Variants in NOX5 observed in about 807,000 individuals in gnomAD.
NOX5 encodes NADPH oxidase, EF-hand calcium binding domain 5.
In NOX5, 76 loss-of-function variants were observed where a neutral mutation model predicts 85.7. The observed-to-expected ratio is 0.89, with a 90% CI of 0.74 to 1.07. NOX5 has a LOEUF of 1.07. Among genes scored for constraint, NOX5 ranks in the 50% least tolerant of loss-of-function variants. NOX5 has a pLI of 0.00. For synonymous variants in NOX5, 405 were observed against 401.4 expected (o/e 1.01, Z -0.11); for missense variants, 973 against 999.5 (o/e 0.97, Z 0.36).
In NOX5 at chr15:69,055,336, C is replaced by T. The variant is rs769046961; in HGVS notation, c.2002C>T (p.Arg668Cys). 12 of 1,613,726 alleles carry T rather than the reference C, an allele frequency of 7.4e-6. No homozygotes were observed. The highest frequency in any genetic ancestry group is 5.5e-5 in the South Asian group (5 of 91,050). Residue 668 changes from arginine (R) to cysteine (C), a missense_variant and splice_region_variant, in exon 15 of 16, where the codon CGC (arginine) becomes TGC (cysteine). Physicochemically the swap from Arg to Cys is radical, Grantham distance 180. Coordinates refer to ENST00000388866, the MANE Select transcript of NOX5 (RefSeq NM_024505.4). ...AGCCCTTGTCCCCTGCCCAACAGGC[C>T]GCTTCCTGGAGCTGCATATGTACAT... ...MDQAEEAQYG[R>C]FLELHMYMTS...
At chr15:69,045,059 G>C (rs1257647142) in intron 10 of NOX5, among the ~76,000 whole-genome samples, 3 of 152,228 alleles carry the variant, frequency 2.0e-5, no homozygotes, top group Non-Finnish European at 2.9e-5. Context: ...GCCTAGTAAG[G>C]CTGAGGAAGG....
intron 2 of NOX5, among the ~76,000 whole-genome samples, chr15:69,026,898 A>G (rs1241829945): frequency 6.6e-6 from 1 of 152,042 alleles, no homozygotes; most frequent in Non-Finnish European, 1.5e-5. Context: ...TAACCTCACA[A>G]TTTCCACTAG....
intron 11 of NOX5, 112 bp from the exon 12 acceptor site, chr15:69,047,301 A>G (rs1414491495): frequency 8.7e-6 from 12 of 1,381,852 alleles, no homozygotes; most frequent in African/African-American, 1.5e-5. Context: ...CCAGCCCAGG[A>G]GATGTCTTTC....
chr15:69,055,195 A>G, intron 14 of NOX5, 139 bp from the exon 15 acceptor site: 2 of 839,486 alleles, frequency 2.4e-6, no homozygotes, highest in Non-Finnish European at 1.8e-6. Flanking sequence ...TCTCCATGGC[A>G]CTGGTTACAC....
intron 14 of NOX5, among the ~76,000 whole-genome samples, chr15:69,054,612 C>T (rs1303998483): frequency 6.6e-6 from 1 of 152,236 alleles, no homozygotes; most frequent in Non-Finnish European, 1.5e-5. Flanking sequence ...ACTCTGTACT[C>T]ACACTAGTCC....
At chr15:69,035,702 G>T in intron 6 of NOX5, 56 bp from the exon 7 acceptor site, 1 of 1,590,902 alleles carries the variant, frequency 6.3e-7, no homozygotes. Flanking sequence ...CAATGGGAAG[G>T]TGGAGTGGGA....
chr15:69,047,809 CT>C lies in NOX5; in HGVS notation c.1818-19del. 1.2e-6 allele frequency: 2 copies of C among 1,613,744 alleles called. No homozygotes were observed. The highest frequency in any genetic ancestry group is 1.7e-6 in the Non-Finnish European group (2 of 1,179,752). ...AAGTCTCACCCCAAATTTACAACCC[CT>C]TCCTCCTGCCTCCCCTCAGGCACCA... On this transcript the variant is annotated intron_variant, in intron 12 of 15. Coordinates refer to ENST00000388866, the MANE Select transcript of NOX5 (RefSeq NM_024505.4).
At chr15:69,033,771 T>C (rs373110304) in intron 5 of NOX5, among the ~76,000 whole-genome samples, 1 of 148,010 alleles carries the variant, frequency 6.8e-6, no homozygotes, top group East Asian at 2.1e-4. Context: ...CTCAGCTCAC[T>C]GCAACTTTTG....
intron 14 of NOX5, among the ~76,000 whole-genome samples, chr15:69,050,406 C>A (rs2050732561): frequency 1.3e-5 from 2 of 152,040 alleles, no homozygotes; most frequent in Non-Finnish European, 2.9e-5. Context: ...TGGTGAGAAA[C>A]TCTTTTGGCT....
At chr15:69,050,443 C>T (rs1157481860) in intron 14 of NOX5, among the ~76,000 whole-genome samples, 1 of 152,084 alleles carries the variant, frequency 6.6e-6, no homozygotes, top group Non-Finnish European at 1.5e-5. Context: ...TTAGCTCTGT[C>T]ACCCAGGTGC....
chr15:69,054,707 C>A (rs2050789350), intron 14 of NOX5, among the ~76,000 whole-genome samples: 1 of 152,230 alleles, frequency 6.6e-6, no homozygotes, highest in South Asian at 2.1e-4. Flanking sequence ...TTCTGGGAAG[C>A]AGCTCTGTCT....
intron 14 of NOX5, among the ~76,000 whole-genome samples, chr15:69,054,321 C>T (rs932727271): frequency 1.3e-5 from 2 of 152,204 alleles, no homozygotes; most frequent in Non-Finnish European, 2.9e-5. Flanking sequence ...AACTTTGTGG[C>T]GCAGAACTGC....
intron 1 of NOX5, among the ~76,000 whole-genome samples, chr15:69,025,013 A>C (rs1279327232): frequency 1.3e-5 from 2 of 152,216 alleles, no homozygotes; most frequent in African/African-American, 4.8e-5. Flanking sequence ...GTCTTTAAAA[A>C]TAAAATCAAT....
chr15:69,035,394 C>T lies in NOX5; in HGVS notation c.896C>T (p.Thr299Met), dbSNP rs145609289. The T allele has an allele frequency of 6.2e-4, 994 of 1,614,158 alleles. 12 individuals carry two copies. In the African/African-American group the frequency reaches 0.012, roughly 20 times the overall value. Residue 299 changes from threonine (T) to methionine (M), a missense_variant, in exon 6 of 16, where the codon ACG (threonine) becomes ATG (methionine). Physicochemically the swap from Thr to Met is moderately conservative, Grantham distance 81. Transcript: ENST00000388866. ...CGCTGCCTCACCTGGCTGCGGGCCA[C>T]GTGGCTGGCTCAAGTCCTACCACTG... The part of the protein sequence containing the change: ...LRRCLTWLRA[T>M]WLAQVLPLDQ...
At chr15:69,045,536 T>TTTCTTTC (rs2050653280) in intron 10 of NOX5, among the ~76,000 whole-genome samples, 2 of 94,470 alleles carry the variant, frequency 2.1e-5, no homozygotes, top group African/African-American at 5.0e-5. Flanking sequence ...TTCCTTTCTT[T>TTTCTTTC]TTTCTTTCTT....
chr15:69,050,146 T>C (rs1441638287), intron 14 of NOX5, among the ~76,000 whole-genome samples: 1 of 152,266 alleles, frequency 6.6e-6, no homozygotes, highest in African/African-American at 2.4e-5. Flanking sequence ...ATCCGTGTTG[T>C]TGCATATATC....
At chr15:69,043,058 T>C (rs570297025) in intron 10 of NOX5, among the ~76,000 whole-genome samples, 1 of 152,244 alleles carries the variant, frequency 6.6e-6, no homozygotes, top group African/African-American at 2.4e-5. Flanking sequence ...GAAATTGAAA[T>C]CAGAAAATCC....
chr15:69,039,085 A>C, intron 9 of NOX5, 96 bp downstream of exon 9: 1 of 1,384,180 alleles, frequency 7.2e-7, no homozygotes, highest in Non-Finnish European at 1.0e-6. Context: ...GCACTGAACA[A>C]GGCCAGAAAC....
chr15:69,035,048 G>A (rs2050493174), intron 5 of NOX5, among the ~76,000 whole-genome samples: 1 of 152,156 alleles, frequency 6.6e-6, no homozygotes, highest in Admixed American at 6.5e-5. Flanking sequence ...TTAGTGGAGT[G>A]AGCCACTGCG....
Sources: allele counts gnomAD v4.1 joint callset (sites outside exome capture counted in the v4.1 genomes callset), GRCh38; gene constraint gnomAD v4.1.1; transcripts MANE v1.5; gene names NCBI Gene and HGNC (gene_info 2026-07-23, HGNC 2026-07-21).